Variants in LEPR observed in about 807,000 individuals in gnomAD.
LEPR encodes the protein OB receptor.
LEPR carries 56 observed loss-of-function variants against 114.7 expected under a neutral mutation model. That is an observed-to-expected ratio of 0.49 (90% CI 0.39 to 0.61). The LOEUF is 0.61. Among genes scored for constraint, LEPR ranks in the 20% least tolerant of loss-of-function variants. The pLI is 0.00. For missense variants in LEPR, 1,202 were observed against 1,352.9 expected, an observed-to-expected ratio of 0.89 and a Z score of 1.75; for synonymous variants, 443 against 461.4, an observed-to-expected ratio of 0.96 and a Z score of 0.51.
At chr1:65,430,590 T>G (rs748557438) in intron 2 of LEPR, among the ~76,000 whole-genome samples, 8 of 152,232 alleles carry the variant, frequency 5.3e-5, no homozygotes, top group Admixed American at 1.3e-4. Flanking sequence ...TGCTATTCAC[T>G]GTCTTTCCTA....
chr1:65,512,871 G>A (rs1223560328), intron 2 of LEPR, among the ~76,000 whole-genome samples: 1 of 152,114 alleles, frequency 6.6e-6, no homozygotes, highest in Non-Finnish European at 1.5e-5. Context: ...ATTAAGCCAC[G>A]CTTTCTGATC....
Position 65,520,798 on chromosome 1 carries a change from A to G in LEPR, c.-20-44748A>G, listed in dbSNP as rs1649595465. On this transcript the variant is annotated intron_variant, in intron 2 of 19. Coordinates refer to ENST00000349533, the MANE Select transcript of LEPR (RefSeq NM_002303.6). Reference sequence around the variant, plus strand: ...ACTAAAAGCATTTCTTATGGGAAATAAAGGGATTGGCTGAAGTAAAGGGAT... The same window carrying G: ...ACTAAAAGCATTTCTTATGGGAAATGAAGGGATTGGCTGAAGTAAAGGGAT... Among the ~76,000 whole-genome samples the G allele has an allele frequency of 2.0e-5, 3 of 152,356 alleles. No homozygotes were observed. In the South Asian group the frequency reaches 6.2e-4, roughly 32 times the overall value.
Position 65,601,619 on chromosome 1 carries a change from G to C in LEPR, c.1222G>C (p.Asp408His). ...CAAACCTCGAGGAAAGTTTACCTATGATGCAGTGTACTGCTGCAATGAACA... is the reference window on the plus strand; with the variant it reads ...CAAACCTCGAGGAAAGTTTACCTATCATGCAGTGTACTGCTGCAATGAACA... The part of the protein sequence containing the change: ...ETKPRGKFTY[D>H]AVYCCNEHEC... Residue 408 changes from aspartate to histidine, a missense_variant, in exon 9 of 20, where the codon GAT becomes CAT. Transcript: ENST00000349533. 9 of 1,613,656 alleles carry C rather than the reference G, an allele frequency of 5.6e-6. No individual in the cohort carries two copies. The highest frequency in any genetic ancestry group is 7.6e-6 in the Non-Finnish European group (9 of 1,179,738).
At chr1:65,451,049 G>A (rs1473144906) in intron 2 of LEPR, among the ~76,000 whole-genome samples, 10 of 150,358 alleles carry the variant, frequency 6.7e-5, no homozygotes, top group Admixed American at 5.3e-4. Context: ...ATTTTTTCAT[G>A]TGTTTTTTGG....
intron 2 of LEPR, among the ~76,000 whole-genome samples, chr1:65,517,140 T>G (rs1033221513): frequency 6.6e-6 from 1 of 152,228 alleles, no homozygotes; most frequent in African/African-American, 2.4e-5. Flanking sequence ...ATACGGTGTA[T>G]AAAGCTGGTC....
At chr1:65,587,624 C>T (rs1382831248) in intron 5 of LEPR, among the ~76,000 whole-genome samples, 1 of 151,974 alleles carries the variant, frequency 6.6e-6, no homozygotes, top group Non-Finnish European at 1.5e-5. Context: ...AACAGAAGTA[C>T]TTGATTTTAG....
intron 2 of LEPR, among the ~76,000 whole-genome samples, chr1:65,556,188 T>C (rs1352725763): frequency 6.6e-6 from 1 of 152,128 alleles, no homozygotes; most frequent in Non-Finnish European, 1.5e-5. Flanking sequence ...CTATGAGAAG[T>C]AGTCCTTCAC....
At chr1:65,462,486 A>G (rs1305909545) in intron 2 of LEPR, among the ~76,000 whole-genome samples, 1 of 152,244 alleles carries the variant, frequency 6.6e-6, no homozygotes, top group Non-Finnish European at 1.5e-5. Flanking sequence ...TTGTAGTAGC[A>G]AGATTTATAA....
At chr1:65,630,266 A>G (rs1032243312) in intron 19 of LEPR, 3 of 343,628 alleles carry the variant, frequency 8.7e-6, no homozygotes, top group Non-Finnish European at 1.7e-5. Flanking sequence ...ACCCAGGGAC[A>G]CAAACACTGC....
In LEPR at chr1:65,633,864, G is replaced by A. The variant is rs2101042758; in HGVS notation, c.2674-2327G>A. On this transcript the variant is annotated intron_variant, in intron 19 of 19. Transcript: ENST00000349533. This position sits in a 1 kb window ranked among gnomAD's most constrained non-coding sequence, Gnocchi z 4.1. ...TGTTTGTGCTGCCCACAGGACAGTGGGAGTTACAGTTCATATCAGGATGAC... is the reference window on the plus strand; with the variant it reads ...TGTTTGTGCTGCCCACAGGACAGTGAGAGTTACAGTTCATATCAGGATGAC... 3.0e-6 allele frequency: 3 copies of A among 985,410 alleles called. No individual in the cohort carries two copies. Among genetic ancestry groups the A allele is most frequent in the African/African-American group, 1.7e-5 (1 of 57,328 alleles). 61.0% of individuals were successfully genotyped at this position (985,410 alleles called of 1,614,324 possible).
At chr1:65,447,371 A>G (rs905735053) in intron 2 of LEPR, among the ~76,000 whole-genome samples, 3 of 152,010 alleles carry the variant, frequency 2.0e-5, no homozygotes, top group Admixed American at 6.6e-5. Flanking sequence ...CTTCCTATTC[A>G]TGAACAGGGA....
intron 2 of LEPR, among the ~76,000 whole-genome samples, chr1:65,538,708 T>A (rs555798296): frequency 6.6e-6 from 1 of 152,128 alleles, no homozygotes; most frequent in Non-Finnish European, 1.5e-5. Flanking sequence ...CCTTTAGTGA[T>A]TTTTTTCTTC....
At chr1:65,623,310 A>G (rs1203868482) in intron 19 of LEPR, 1 of 189,484 alleles carries the variant, frequency 5.3e-6, no homozygotes, top group East Asian at 1.4e-4. Context: ...TTTTTGGTAT[A>G]AACTGTATTT....
intron 2 of LEPR, among the ~76,000 whole-genome samples, chr1:65,493,635 AC>A (rs1487965353): frequency 6.6e-6 from 1 of 152,132 alleles, no homozygotes; most frequent in Non-Finnish European, 1.5e-5. Flanking sequence ...TTGTTGTACA[AC>A]CAATCTGCAG....
intron 2 of LEPR, among the ~76,000 whole-genome samples, chr1:65,462,874 C>A (rs918509549): frequency 6.6e-6 from 1 of 151,862 alleles, no homozygotes. Flanking sequence ...AATTTAAGTT[C>A]TTTGTAGATT....
At chr1:65,459,251 G>T (rs1034161295) in intron 2 of LEPR, among the ~76,000 whole-genome samples, 1 of 152,182 alleles carries the variant, frequency 6.6e-6, no homozygotes, top group South Asian at 2.1e-4. Flanking sequence ...GTTGCCAGTG[G>T]TAGTTACCGA....
intron 5 of LEPR, chr1:65,576,006 C>T (rs1654557402): frequency 6.6e-6 from 1 of 151,500 alleles, no homozygotes; most frequent in African/African-American, 2.5e-5. Context: ...GTCATCCTCT[C>T]CAAGATGGCT....
chr1:65,590,550 T>G (rs1160603313), intron 5 of LEPR, among the ~76,000 whole-genome samples: 1 of 151,802 alleles, frequency 6.6e-6, no homozygotes, highest in African/African-American at 2.4e-5. Context: ...TATAAGGGGC[T>G]TTTCCCCACA....
rs554674806 is a variant in LEPR at position 65,443,440 on chromosome 1, A to AAT, written c.-21+18074_-21+18075dup. Among the ~76,000 whole-genome samples, 448 of 150,324 alleles carry AAT rather than the reference A, an allele frequency of 3.0e-3. 2 individuals carry two copies. The highest frequency in any genetic ancestry group is 9.5e-3 in the African/African-American group (391 of 41,144). On this transcript the variant is annotated intron_variant, in intron 2 of 19. Transcript: ENST00000349533. ...TAGGAACAATTACATAAATGATTAT[A>AAT]ATATATATATATAATTTTATATATA... is the stretch of plus-strand genomic sequence containing the variant.
Sources: gnomAD v4.1 joint callset for allele counts (sites outside exome capture counted in the v4.1 genomes callset) on GRCh38, gnomAD v4.1.1 for gene constraint, Gnocchi (gnomAD v3.1) non-coding constraint, MANE v1.5 for transcripts, NCBI Gene and HGNC (gene_info 2026-07-23, HGNC 2026-07-21) for gene names.